The following MYO18B variants were observed in gnomAD, a reference collection of about 807,000 sequenced individuals.
MYO18B encodes myosin XVIIIB, also known as unconventional myosin-XVIIIb.
A neutral mutation model predicts 273.0 loss-of-function variants in MYO18B; 204 were observed. The observed-to-expected ratio is 0.75, with a 90% confidence interval of 0.67 to 0.84. MYO18B has a LOEUF of 0.84. Ranked by LOEUF, MYO18B falls within the 40% of genes least tolerant of loss-of-function variation. The probability of loss-of-function intolerance (pLI) is 0.00; values close to 1 mark genes in which losing one functional copy is unlikely to be tolerated. For synonymous variants in MYO18B, 1,330 were observed against 1,305.7 expected, an observed-to-expected ratio of 1.02 and a Z score of -0.40; for missense variants, 3,212 against 3,287.6, an observed-to-expected ratio of 0.98 and a Z score of 0.56.
At chr22:25,773,461 T>TTTAC (rs1232042738) in intron 7 of MYO18B, among the ~76,000 whole-genome samples, 7 of 152,038 alleles carry the variant, frequency 4.6e-5, no homozygotes, top group African/African-American at 1.7e-4. Context: ...ACTATGGGTA[T>TTTAC]TTATTTATTT....
In MYO18B at chr22:25,942,376, C is replaced by T. The variant is rs376169173; in HGVS notation, c.5518-3761C>T. 3.3e-5 allele frequency among the ~76,000 whole-genome samples: 5 copies of T among 152,264 alleles called. No homozygotes were observed. In the East Asian group the frequency reaches 7.7e-4, roughly 23 times the overall value. On this transcript the variant is annotated intron_variant, in intron 34 of 43. Coordinates refer to ENST00000335473, the MANE Select transcript of MYO18B (RefSeq NM_032608.7). ...GTTCTGTCATTTTACAGACTCCCAA[C>T]TTAGTCCAGGCTCTCCTGATGCTGC...
chr22:25,898,250 G>A (rs1246610597), intron 28 of MYO18B, 57 bp from the exon 29 acceptor site: 3 of 1,560,386 alleles, frequency 1.9e-6, no homozygotes, highest in African/African-American at 2.8e-5. Flanking sequence ...GAAATACAAA[G>A]TAAAAAGCTC....
chr22:25,813,204 G>A (rs1484493395), intron 12 of MYO18B, among the ~76,000 whole-genome samples: 101 of 108,882 alleles, frequency 9.3e-4, no homozygotes, highest in Non-Finnish European at 1.2e-3. Context: ...TTTTTTTTGA[G>A]ACGGAGTTTC....
chr22:25,795,962 G>T (rs773145398), intron 11 of MYO18B, among the ~76,000 whole-genome samples: 7 of 152,054 alleles, frequency 4.6e-5, no homozygotes, highest in Non-Finnish European at 1.0e-4. Flanking sequence ...AGTGTTACCC[G>T]CTCTCTGGGC....
At chr22:25,819,483 T>G (rs2089183313) in intron 12 of MYO18B, among the ~76,000 whole-genome samples, 1 of 152,200 alleles carries the variant, frequency 6.6e-6, no homozygotes, top group Admixed American at 6.5e-5. Flanking sequence ...GAAAGTCTCA[T>G]TCAGTGCTAA....
the MYO18B span, among the ~76,000 whole-genome samples, chr22:26,047,462 G>C: frequency 6.6e-6 from 1 of 152,136 alleles, no homozygotes; most frequent in Admixed American, 6.5e-5. Flanking sequence ...GTTTAGGGGG[G>C]ATGCTACAAA....
chr22:26,033,794 C>CTCTT (rs139221363), downstream of MYO18B, among the ~76,000 whole-genome samples: 11,456 of 109,540 alleles, frequency 0.1, 1,104 homozygotes, highest in African/African-American at 0.3. Context: ...TTTTCTGTCT[C>CTCTT]TCCTTCCTTC....
intron 34 of MYO18B, among the ~76,000 whole-genome samples, chr22:25,941,205 G>T (rs762435557): frequency 2.6e-5 from 4 of 152,168 alleles, no homozygotes; most frequent in Non-Finnish European, 5.9e-5. Context: ...GCCCACACTA[G>T]GTCGGGAGAC....
intron 39 of MYO18B, among the ~76,000 whole-genome samples, chr22:25,989,105 C>G (rs1258108703): frequency 2.0e-5 from 3 of 152,156 alleles, no homozygotes; most frequent in Non-Finnish European, 4.4e-5. Context: ...GTACACCTTG[C>G]TGCTCCTGCA....
At chr22:25,770,576 G>A (rs1266475948) in intron 5 of MYO18B, among the ~76,000 whole-genome samples, 1 of 152,122 alleles carries the variant, frequency 6.6e-6, no homozygotes, top group African/African-American at 2.4e-5. Flanking sequence ...AGGGGGAAAT[G>A]GCAGTCTGTG....
chr22:25,765,536 G>T (rs1462302288), intron 3 of MYO18B, among the ~76,000 whole-genome samples: 2 of 152,204 alleles, frequency 1.3e-5, no homozygotes, highest in Non-Finnish European at 1.5e-5. Context: ...GAATGTCAAG[G>T]AGACCTAGAT....
chr22:25,890,030 A>G (rs1601483258), intron 25 of MYO18B, among the ~76,000 whole-genome samples: 2 of 152,256 alleles, frequency 1.3e-5, no homozygotes, highest in East Asian at 1.9e-4. Flanking sequence ...AGTTGTTGCA[A>G]CAACACCTAT....
chr22:25,765,086 CAAGTA>C (rs1250012896), intron 3 of MYO18B, among the ~76,000 whole-genome samples: 1 of 152,024 alleles, frequency 6.6e-6, no homozygotes, highest in Non-Finnish European at 1.5e-5. Flanking sequence ...TCACTGTGAG[CAAGTA>C]AAGAGGCAGA....
At chr22:25,775,064 C>T (rs569110668) in intron 7 of MYO18B, among the ~76,000 whole-genome samples, 2 of 152,346 alleles carry the variant, frequency 1.3e-5, no homozygotes, top group Admixed American at 6.5e-5. Context: ...CCTTCTCCCC[C>T]TAGGCAGTGG....
At chr22:25,999,814 C>T (rs1392013217) in intron 40 of MYO18B, among the ~76,000 whole-genome samples, 1 of 152,018 alleles carries the variant, frequency 6.6e-6, no homozygotes, top group African/African-American at 2.4e-5. Flanking sequence ...CGCCACCACA[C>T]CCGACTAATT....
chr22:25,906,434 G>A (rs938639278), intron 31 of MYO18B, among the ~76,000 whole-genome samples: 2 of 152,126 alleles, frequency 1.3e-5, no homozygotes, highest in Non-Finnish European at 2.9e-5. Context: ...GGCCTCTGAC[G>A]TACACTATCC....
At chr22:25,925,334 A>G (rs976447871) in intron 34 of MYO18B, among the ~76,000 whole-genome samples, 6 of 150,812 alleles carry the variant, frequency 4.0e-5, no homozygotes, top group African/African-American at 1.5e-4. Flanking sequence ...GGCTTTATTT[A>G]TCCCTCAGAA....
intron 37 of MYO18B, among the ~76,000 whole-genome samples, chr22:25,950,817 C>A (rs2092784662): frequency 6.6e-6 from 1 of 152,208 alleles, no homozygotes; most frequent in Admixed American, 6.5e-5. Flanking sequence ...GGTGATCCGC[C>A]CTTCTCAGTC....
At chr22:25,761,224 A>C in intron 2 of MYO18B, 93 bp downstream of exon 2, 1 of 1,390,942 alleles carries the variant, frequency 7.2e-7, no homozygotes, top group Non-Finnish European at 1.0e-6. Flanking sequence ...TTGAGTGGGG[A>C]GTCTGACATC....
Sources: gnomAD v4.1 joint callset for allele counts (sites outside exome capture counted in the v4.1 genomes callset) on GRCh38, gnomAD v4.1.1 for gene constraint, MANE v1.5 for transcripts, NCBI Gene and HGNC (gene_info 2026-07-23, HGNC 2026-07-21) for gene names.